SNX14: variants seen among roughly 807,000 people sequenced by gnomAD.
SNX14 encodes sorting nexin 14.
Under a neutral mutation model 133.8 loss-of-function variants are expected in SNX14, and 93 were observed. The observed-to-expected ratio is 0.70, with a 90% confidence interval of 0.59 to 0.83. The LOEUF is 0.83. Ranked by LOEUF, SNX14 falls within the 40% of genes least tolerant of loss-of-function variation. The pLI, the probability that SNX14 is intolerant of heterozygous loss-of-function variation, is 0.00. For synonymous variants in SNX14, 368 were observed against 365.6 expected, an observed-to-expected ratio of 1.01 and a Z score of -0.07; for missense variants, 945 against 1,094.9, an observed-to-expected ratio of 0.86 and a Z score of 1.93.
intron 20 of SNX14, among the ~76,000 whole-genome samples, chr6:85,526,541 T>C (rs1168312209): frequency 6.6e-6 from 1 of 152,180 alleles, no homozygotes; most frequent in Non-Finnish European, 1.5e-5. Context: ...TGACACTACC[T>C]ATAGTATTGT....
chr6:85,510,781 TG>T (rs773056168), intron 26 of SNX14, among the ~76,000 whole-genome samples: 3 of 152,256 alleles, frequency 2.0e-5, no homozygotes, highest in Admixed American at 1.3e-4. Context: ...GAACAGTTGC[TG>T]TAAGTCTGTT....
At chr6:85,559,712 A>G (rs1790926119) in intron 6 of SNX14, among the ~76,000 whole-genome samples, 1 of 152,262 alleles carries the variant, frequency 6.6e-6, no homozygotes. Context: ...GAGCCACAGT[A>G]TAATTCAGAA....
chr6:85,583,928 G>A (rs942103848), intron 1 of SNX14, among the ~76,000 whole-genome samples: 2 of 152,108 alleles, frequency 1.3e-5, no homozygotes, highest in African/African-American at 4.8e-5. Context: ...ACAAAAAAGA[G>A]CCTATATAGC....
At chr6:85,587,673 G>C (rs887799260) in intron 1 of SNX14, among the ~76,000 whole-genome samples, 11 of 152,076 alleles carry the variant, frequency 7.2e-5, no homozygotes, top group African/African-American at 2.4e-4. Flanking sequence ...TGTTGCCCAG[G>C]CTGGTCTCGA....
At chr6:85,531,367 G>A (rs1236599898) in intron 18 of SNX14, among the ~76,000 whole-genome samples, 1 of 152,108 alleles carries the variant, frequency 6.6e-6, no homozygotes, top group Non-Finnish European at 1.5e-5. Context: ...ATAGCACAGA[G>A]TAAATACCTC....
At chr6:85,533,073 T>A (rs1198894685) in intron 18 of SNX14, among the ~76,000 whole-genome samples, 5 of 151,976 alleles carry the variant, frequency 3.3e-5, no homozygotes, top group Non-Finnish European at 7.4e-5. Flanking sequence ...TTTTAGTAGA[T>A]ATAGGGTTTC....
At chr6:85,555,446 T>C (rs572029474) in intron 7 of SNX14, among the ~76,000 whole-genome samples, 2 of 152,250 alleles carry the variant, frequency 1.3e-5, no homozygotes, top group East Asian at 3.9e-4. Flanking sequence ...AGGTTAAATG[T>C]ATATTGCTAA....
intron 23 of SNX14, among the ~76,000 whole-genome samples, chr6:85,515,016 G>A (rs1774321394): frequency 6.6e-6 from 1 of 152,078 alleles, no homozygotes; most frequent in Non-Finnish European, 1.5e-5. Flanking sequence ...TGTAATCTCA[G>A]CACTTTGGAA....
intron 1 of SNX14, among the ~76,000 whole-genome samples, chr6:85,578,572 C>T (rs542413202): frequency 6.0e-4 from 92 of 152,162 alleles, no homozygotes; most frequent in African/African-American, 2.2e-3. Flanking sequence ...ATCAATGATC[C>T]CAGATTTGGA....
chr6:85,590,227 G>C (rs1232064799), intron 1 of SNX14, among the ~76,000 whole-genome samples: 2 of 152,188 alleles, frequency 1.3e-5, no homozygotes, highest in Non-Finnish European at 2.9e-5. Context: ...TCGGGGGTTA[G>C]ACACTTCATA....
rs764531091 is a variant in SNX14 at position 85,593,555 on chromosome 6, C to T, written c.140+24G>A. On this transcript the variant is annotated intron_variant, in intron 1 of 28. Coordinates refer to ENST00000314673, the MANE Select transcript of SNX14 (RefSeq NM_153816.6). ...TGCACCTTCGGAGAAAAGCCGCCGC[C>T]CAGGCTCCGCGCTGCGGCGTTACCT... is the stretch of plus-strand genomic sequence containing the variant. The T allele has an allele frequency of 1.9e-6, 3 of 1,595,534 alleles. No homozygotes were observed. In the African/African-American group the frequency reaches 4.0e-5, roughly 21 times the overall value.
chr6:85,585,396 A>AAAC (rs1207751936), intron 1 of SNX14, among the ~76,000 whole-genome samples: 1 of 152,040 alleles, frequency 6.6e-6, no homozygotes, highest in African/African-American at 2.4e-5. Flanking sequence ...AAAAAAAAAC[A>AAAC]AACAACAACA....
chr6:85,592,927 T>C (rs1368651723), intron 1 of SNX14, among the ~76,000 whole-genome samples: 1 of 151,778 alleles, frequency 6.6e-6, no homozygotes, highest in Non-Finnish European at 1.5e-5. Flanking sequence ...GGCAGGAGAA[T>C]GGCGTGAACC....
In SNX14 at chr6:85,591,887, C is replaced by T. The variant is rs144445983; in HGVS notation, c.140+1692G>A. On this transcript the variant is annotated intron_variant, in intron 1 of 28. Coordinates refer to ENST00000314673, the MANE Select transcript of SNX14 (RefSeq NM_153816.6). ...AAGTAGCCGGGCATGGTGGTGCCCA[C>T]CTGTAGTCCCAGCTATTCTGCAGGC... Among the ~76,000 whole-genome samples, 858 of 152,012 alleles carry T rather than the reference C, an allele frequency of 5.6e-3. 4 individuals are homozygous for T. The highest frequency in any genetic ancestry group is 8.7e-3 in the Non-Finnish European group (594 of 68,024).
chr6:85,566,844 A>AT (rs1171195143), intron 5 of SNX14, among the ~76,000 whole-genome samples: 2 of 152,196 alleles, frequency 1.3e-5, no homozygotes, highest in Non-Finnish European at 2.9e-5. Context: ...ATTTAAGAAA[A>AT]TATGTATTTA....
chr6:85,561,711 G>A lies in SNX14; in HGVS notation c.549+3621C>T, dbSNP rs117289803. Among the ~76,000 whole-genome samples, 163 of 152,180 alleles carry A rather than the reference G, an allele frequency of 1.1e-3. 4 individuals are homozygous for A. In the East Asian group the frequency reaches 0.027, roughly 25 times the overall value. On this transcript the variant is annotated intron_variant, in intron 6 of 28. Coordinates refer to ENST00000314673, the MANE Select transcript of SNX14 (RefSeq NM_153816.6). ...ACTAAGAGTTAACAGTGATAAGGAG[G>A]TATATGTCCTTAATATATGTATTAG...
At chr6:85,516,351 A>C (rs1350626930) in intron 23 of SNX14, among the ~76,000 whole-genome samples, 1 of 152,182 alleles carries the variant, frequency 6.6e-6, no homozygotes, top group East Asian at 1.9e-4. Flanking sequence ...TCCTAGCATG[A>C]GTTCAATAGG....
At chr6:85,521,531 C>A (rs1285784068) in intron 21 of SNX14, among the ~76,000 whole-genome samples, 2 of 152,002 alleles carry the variant, frequency 1.3e-5, no homozygotes, top group African/African-American at 4.8e-5. Flanking sequence ...TGCAAATATT[C>A]TCTCCCCTTG....
At chr6:85,520,630 C>G (rs1344993513) in intron 21 of SNX14, among the ~76,000 whole-genome samples, 1 of 150,180 alleles carries the variant, frequency 6.7e-6, no homozygotes, top group South Asian at 2.1e-4. Flanking sequence ...ATTGCTGGGA[C>G]TACAGGTGTG....
Sources: gnomAD v4.1 joint callset for allele counts (sites outside exome capture counted in the v4.1 genomes callset) on GRCh38, gnomAD v4.1.1 for gene constraint, MANE v1.5 for transcripts, NCBI Gene and HGNC (gene_info 2026-07-23, HGNC 2026-07-21) for gene names.